CAST: variants seen among roughly 807,000 people sequenced by gnomAD.
The protein encoded by CAST is MIR583 host.
In CAST, 76 loss-of-function variants were observed where a neutral mutation model predicts 119.6. The ratio of observed to expected loss-of-function variants is 0.64; its 90% confidence interval spans 0.53 to 0.77. CAST has a LOEUF of 0.77. Ranked by LOEUF, CAST falls within the 30% of genes least tolerant of loss-of-function variation. The pLI is 0.00. For missense variants in CAST, 953 were observed against 946.5 expected, an observed-to-expected ratio of 1.01 and a Z score of -0.09; for synonymous variants, 319 against 331.6, an observed-to-expected ratio of 0.96 and a Z score of 0.41.
chr5:96,293,471 C>T, the CAST span, among the ~76,000 whole-genome samples: 1 of 151,358 alleles, frequency 6.6e-6, no homozygotes, highest in South Asian at 2.1e-4. Flanking sequence ...TAGAGATGGG[C>T]TTTACCATGT....
intron 5 of CAST, among the ~76,000 whole-genome samples, chr5:96,727,139 AAC>A (rs1235166808): frequency 6.6e-6 from 1 of 152,220 alleles, no homozygotes; most frequent in Admixed American, 6.5e-5. Flanking sequence ...GTGGCATGGA[AAC>A]ACAGTGCCCT....
chr5:96,164,190 CAT>C, the CAST span, among the ~76,000 whole-genome samples: 3 of 152,164 alleles, frequency 2.0e-5, no homozygotes, highest in Admixed American at 6.5e-5. Context: ...CATACATACA[CAT>C]GTGTCTATTT....
At chr5:96,619,115 T>C (rs927744374) in intron 1 of CAST, among the ~76,000 whole-genome samples, 11 of 152,206 alleles carry the variant, frequency 7.2e-5, no homozygotes, top group Non-Finnish European at 1.3e-4. Flanking sequence ...AGAACTTTTA[T>C]GTCTAGCTAG....
the CAST span, among the ~76,000 whole-genome samples, chr5:96,153,531 CA>C: frequency 7.9e-5 from 12 of 152,292 alleles, no homozygotes; most frequent in African/African-American, 9.6e-5. Flanking sequence ...TTTATTCTTG[CA>C]TTGGGCCCCA....
the CAST span, among the ~76,000 whole-genome samples, chr5:96,197,631 T>C: frequency 6.6e-6 from 1 of 152,174 alleles, no homozygotes; most frequent in African/African-American, 2.4e-5. Context: ...TAGTGAGCCA[T>C]TGCTATGTGC....
At chr5:96,314,345 T>C in the CAST span, among the ~76,000 whole-genome samples, 3 of 152,172 alleles carry the variant, frequency 2.0e-5, no homozygotes, top group South Asian at 2.1e-4. Flanking sequence ...TTTATTTTGA[T>C]TATTTGTTGG....
At chr5:96,636,096 C>T (rs1372853897) in intron 1 of CAST, among the ~76,000 whole-genome samples, 2 of 152,136 alleles carry the variant, frequency 1.3e-5, no homozygotes, top group Non-Finnish European at 2.9e-5. Flanking sequence ...TAGTACCAAC[C>T]TCATAAGTTT....
chr5:96,153,063 G>T, the CAST span, among the ~76,000 whole-genome samples: 2 of 152,186 alleles, frequency 1.3e-5, no homozygotes, highest in East Asian at 3.8e-4. Flanking sequence ...AGGCTCTTTG[G>T]TACTCAATTA....
the CAST span, among the ~76,000 whole-genome samples, chr5:96,435,989 C>T: frequency 2.0e-5 from 3 of 152,110 alleles, no homozygotes; most frequent in African/African-American, 7.2e-5. Flanking sequence ...ACCATTTGGG[C>T]CAAGAAAAAC....
At chr5:96,402,078 C>T in the CAST span, among the ~76,000 whole-genome samples, 1 of 152,204 alleles carries the variant, frequency 6.6e-6, no homozygotes, top group Non-Finnish European at 1.5e-5. Context: ...GGAGAACAAT[C>T]ATCAGGGGAG....
intron 16 of CAST, among the ~76,000 whole-genome samples, chr5:96,745,581 A>G (rs1218474469): frequency 6.6e-6 from 1 of 152,160 alleles, no homozygotes; most frequent in Admixed American, 6.5e-5. Flanking sequence ...TTAAATCCAC[A>G]CCTTTATATA....
intron 1 of CAST, among the ~76,000 whole-genome samples, chr5:96,651,774 C>T (rs1404412991): frequency 6.6e-6 from 1 of 152,186 alleles, no homozygotes; most frequent in South Asian, 2.1e-4. Context: ...TCTATTACAC[C>T]TTTTACAAAA....
intron 25 of CAST, 51 bp from the exon 26 acceptor site, chr5:96,765,170 C>A: frequency 9.4e-7 from 1 of 1,063,874 alleles, no homozygotes; most frequent in Non-Finnish European, 1.4e-6. Context: ...TAATTTGCCT[C>A]TGATACAGTT....
the CAST span, among the ~76,000 whole-genome samples, chr5:96,447,808 C>A: frequency 2.6e-5 from 4 of 151,984 alleles, no homozygotes; most frequent in Non-Finnish European, 5.9e-5. Context: ...GTGATATCAG[C>A]TGAGGTGCCC....
chr5:96,120,036 T>C, the CAST span, among the ~76,000 whole-genome samples: 1 of 152,202 alleles, frequency 6.6e-6, no homozygotes, highest in Non-Finnish European at 1.5e-5. Context: ...CTTTCACTTA[T>C]AATTCTGCCT....
chr5:96,130,593 G>A, the CAST span, among the ~76,000 whole-genome samples: 1 of 151,966 alleles, frequency 6.6e-6, no homozygotes, highest in African/African-American at 2.4e-5. Flanking sequence ...GGAGGGTATT[G>A]TTCTGCAAAT....
chr5:96,558,157 C>T (rs10054767), intron 1 of CAST, among the ~76,000 whole-genome samples: 45,008 of 151,938 alleles, frequency 0.3, 7,043 homozygotes, highest in East Asian at 0.58. Context: ...TTGAAACCAA[C>T]GAGAATAAAG....
the CAST span, among the ~76,000 whole-genome samples, chr5:96,466,248 C>A: frequency 2.6e-5 from 4 of 152,102 alleles, no homozygotes; most frequent in Non-Finnish European, 4.4e-5. Flanking sequence ...CCTCCCACCT[C>A]CTTGACTGGG....
At chr5:96,617,835 T>A (rs1561431708) in intron 1 of CAST, among the ~76,000 whole-genome samples, 1 of 122,992 alleles carries the variant, frequency 8.1e-6, no homozygotes, top group Non-Finnish European at 1.6e-5. Flanking sequence ...AAAAACACTC[T>A]TAGGAGAAAG....
Sources: allele counts gnomAD v4.1 joint callset (sites outside exome capture counted in the v4.1 genomes callset), GRCh38; gene constraint gnomAD v4.1.1; transcripts MANE v1.5; gene names NCBI Gene and HGNC (gene_info 2026-07-23, HGNC 2026-07-21).